ASXL2: variants seen among roughly 807,000 people sequenced by gnomAD.
ASXL2 encodes the protein putative Polycomb group protein ASXL2.
In ASXL2, 23 loss-of-function variants were observed where a neutral mutation model predicts 122.0. The observed-to-expected ratio is 0.19, with a 90% CI of 0.14 to 0.27. The LOEUF (loss-of-function observed/expected upper bound fraction) is 0.27. Ranked by LOEUF, ASXL2 falls within the 10% of genes least tolerant of loss-of-function variation. ASXL2 has a pLI of 1.00. For synonymous variants in ASXL2, 650 were observed against 637.0 expected, an observed-to-expected ratio of 1.02 and a Z score of -0.31; for missense variants, 1,518 against 1,713.8, an observed-to-expected ratio of 0.89 and a Z score of 2.02.
intron 5 of ASXL2, among the ~76,000 whole-genome samples, chr2:25,775,693 TG>T (rs1352254458): frequency 1.3e-5 from 2 of 152,172 alleles, no homozygotes; most frequent in Non-Finnish European, 2.9e-5. Flanking sequence ...CCCAGCCATG[TG>T]GAACTAACTA....
chr2:25,748,992 TC>T (rs1230600855), intron 12 of ASXL2, among the ~76,000 whole-genome samples: 1 of 152,216 alleles, frequency 6.6e-6, no homozygotes, highest in Non-Finnish European at 1.5e-5. Flanking sequence ...TACACATATT[TC>T]CTTTAATAGG....
At chr2:25,771,343 A>G (rs1020386997) in intron 6 of ASXL2, 97 bp downstream of exon 6, 14 of 1,062,042 alleles carry the variant, frequency 1.3e-5, no homozygotes, top group East Asian at 1.1e-4. Context: ...CAAGGGCCCA[A>G]TGTAAAAAAT....
chr2:25,761,824 C>T (rs1273009201), intron 8 of ASXL2, among the ~76,000 whole-genome samples: 1 of 151,696 alleles, frequency 6.6e-6, no homozygotes, highest in African/African-American at 2.4e-5. Flanking sequence ...CAAAAATGAA[C>T]AGGAAAGGAC....
At position 25,749,965 on chromosome 2, in the gene ASXL2, G is replaced by C. The variant is rs1274886724; in HGVS notation, c.1591C>G (p.Pro531Ala). The change falls in exon 12 of 13, where the codon CCT becomes GCT. Residue 531 changes from proline to alanine, a missense_variant. Physicochemically the swap from Pro to Ala is conservative, Grantham distance 27. This residue lies in a region of ASXL2 where 292 missense variants were observed against 293.5 expected (regional missense o/e 1.00). Coordinates refer to ENST00000435504, the MANE Select transcript of ASXL2 (RefSeq NM_018263.6). ...TTCACTATTGGTTTTTCAACCCCAGGACTCTTGGGTTTGCTTGGCGATGTA... is the reference window on the plus strand; with the variant it reads ...TTCACTATTGGTTTTTCAACCCCAGCACTCTTGGGTTTGCTTGGCGATGTA... ...LVTSPSKPKS[P>A]GVEKPIVKPT... 3 of 1,613,934 alleles carry C rather than the reference G, an allele frequency of 1.9e-6. No individual in the cohort carries two copies. The Admixed American group carries it at 5.0e-5, about 27-fold the overall frequency.
chr2:25,818,153 A>G (rs2089259994), intron 3 of ASXL2, among the ~76,000 whole-genome samples: 1 of 152,228 alleles, frequency 6.6e-6, no homozygotes, highest in Admixed American at 6.5e-5. Context: ...CTCACCTGTT[A>G]AAATTTATCT....
intron 1 of ASXL2, among the ~76,000 whole-genome samples, chr2:25,852,120 T>C (rs921281394): frequency 5.3e-5 from 8 of 152,236 alleles, no homozygotes; most frequent in Non-Finnish European, 1.2e-4. Flanking sequence ...GGGCAGTGTT[T>C]ATCAAACAAA....
At chr2:25,799,208 G>A (rs1053280247) in intron 5 of ASXL2, among the ~76,000 whole-genome samples, 177 bp downstream of exon 5, 3 of 152,170 alleles carry the variant, frequency 2.0e-5, no homozygotes, top group African/African-American at 7.2e-5. Flanking sequence ...ACTGTGTTGT[G>A]CTGGACAGTA....
rs1227980353 is a variant in ASXL2 at position 25,739,423 on chromosome 2, T to C, written c.*2606A>G. Reference sequence around the variant, plus strand: ...GCTTTTAAGATGAATGGCTTTCCACTTGAAACCTCTGTGTTGAAACCAACT... The same window carrying C: ...GCTTTTAAGATGAATGGCTTTCCACCTGAAACCTCTGTGTTGAAACCAACT... On this transcript the variant is annotated 3_prime_UTR_variant, in exon 13 of 13. Transcript: ENST00000435504. 1 of 180,090 alleles carries C rather than the reference T, an allele frequency of 5.6e-6. No homozygotes were observed. Among genetic ancestry groups the C allele is most frequent in the African/African-American group, 2.4e-5 (1 of 42,302 alleles). 11.2% of individuals were successfully genotyped at this position (180,090 alleles called of 1,614,324 possible).
chr2:25,856,710 G>A (rs2089783558), intron 1 of ASXL2: 10 of 1,295,032 alleles, frequency 7.7e-6, no homozygotes, highest in East Asian at 2.3e-5. Flanking sequence ...TACCTGGATC[G>A]ATTCAGTCAC....
In ASXL2 at chr2:25,878,180, C is replaced by G; in HGVS notation, c.43G>C (p.Glu15Gln). The G allele has an allele frequency of 6.2e-7, 1 of 1,613,848 alleles. No individual in the cohort carries two copies. The highest frequency in any genetic ancestry group is 1.1e-5 in the South Asian group (1 of 91,092). Reference sequence around the variant, plus strand: ...CTCCCCCTTACCGTCTTGGCGGCCTCCGCCCAGGTCCTGCCCTTCTTCCTA... The same window carrying G: ...CTCCCCCTTACCGTCTTGGCGGCCTGCGCCCAGGTCCTGCCCTTCTTCCTA... ...GRRKKGRTWA[E>Q]AAKTVLEKYP... is the part of the protein sequence containing the mutation. The change falls in exon 1 of 13, where the codon GAG becomes CAG. Residue 15 changes from glutamate (E) to glutamine (Q), a missense_variant. Transcript: ENST00000435504.
chr2:25,807,087 C>A (rs1034640892), intron 3 of ASXL2, among the ~76,000 whole-genome samples: 1 of 152,040 alleles, frequency 6.6e-6, no homozygotes, highest in Non-Finnish European at 1.5e-5. Flanking sequence ...AATTAGGTAG[C>A]AAGCAAACAC....
chr2:25,848,182 G>A (rs2089671077), intron 1 of ASXL2, among the ~76,000 whole-genome samples: 2 of 152,108 alleles, frequency 1.3e-5, no homozygotes, highest in African/African-American at 4.8e-5. Flanking sequence ...ATCATTATCA[G>A]AATGAGCCAC....
At chr2:25,817,597 T>C (rs1419142088) in intron 3 of ASXL2, among the ~76,000 whole-genome samples, 5 of 152,160 alleles carry the variant, frequency 3.3e-5, no homozygotes, top group South Asian at 2.1e-4. Context: ...TTGAAGTAAA[T>C]AGTCCGGAAA....
chr2:25,859,632 C>T (rs528873415), intron 1 of ASXL2, among the ~76,000 whole-genome samples: 19 of 152,274 alleles, frequency 1.2e-4, no homozygotes, highest in South Asian at 1.2e-3. Context: ...CTGGACAAAA[C>T]GCAGAGAGGA....
At chr2:25,757,831 G>C (rs1056597614) in intron 9 of ASXL2, among the ~76,000 whole-genome samples, 3 of 150,322 alleles carry the variant, frequency 2.0e-5, no homozygotes, top group African/African-American at 7.3e-5. Flanking sequence ...TCAAAAGATA[G>C]TTCTGAGGAA....
Position 25,734,062 on chromosome 2 carries a change from T to TG in ASXL2, c.*7966_*7967insC, listed in dbSNP as rs1399607118. 1 of 140,920 alleles carries TG rather than the reference T, an allele frequency of 7.1e-6. No individual in the cohort carries two copies. The highest frequency in any genetic ancestry group is 1.6e-5 in the Non-Finnish European group (1 of 62,698). The allele number at this position is 140,920 out of a possible 1,614,324, so 8.7% of individuals were successfully genotyped here. A position where few individuals can be genotyped will look rare whatever the true frequency, so the allele number is the denominator to read the frequency against. ...GTCACAGAATTAAGACAGGTTTTTT[T>TG]TTTTTAAAAAAAATAGGTCAAAGCA... On this transcript the variant is annotated 3_prime_UTR_variant, in exon 13 of 13. Transcript: ENST00000435504.
chr2:25,875,929 T>C (rs1251502273), intron 1 of ASXL2, among the ~76,000 whole-genome samples: 3 of 152,236 alleles, frequency 2.0e-5, no homozygotes, highest in Non-Finnish European at 4.4e-5. Flanking sequence ...GTCTGAAATA[T>C]TACAAATGTA....
At chr2:25,802,889 G>A (rs2089020912) in intron 4 of ASXL2, among the ~76,000 whole-genome samples, 1 of 152,294 alleles carries the variant, frequency 6.6e-6, no homozygotes, top group Non-Finnish European at 1.5e-5. Flanking sequence ...CCAGCACTTT[G>A]GTAGGCCAAG....
chr2:25,808,803 G>A (rs548667907), intron 3 of ASXL2, among the ~76,000 whole-genome samples: 3 of 152,180 alleles, frequency 2.0e-5, no homozygotes, highest in South Asian at 2.1e-4. Flanking sequence ...CACATCAAAG[G>A]AGTGTACATT....
Sources: allele counts gnomAD v4.1 joint callset (sites outside exome capture counted in the v4.1 genomes callset), GRCh38; gene constraint gnomAD v4.1.1; regional missense constraint gnomAD v4.1.1; transcripts MANE v1.5; gene names NCBI Gene and HGNC (gene_info 2026-07-23, HGNC 2026-07-21).